The following DPYD variants were observed in gnomAD, a reference collection of about 807,000 sequenced individuals.
DPYD encodes dihydropyrimidine dehydrogenase [NADP(+)].
A neutral mutation model predicts 116.2 loss-of-function variants in DPYD; 109 were observed. The observed-to-expected ratio is 0.94, with a 90% CI of 0.80 to 1.10. The LOEUF (loss-of-function observed/expected upper bound fraction) is 1.10, where lower values mean the gene tolerates loss of function less well. DPYD is among the 50% of genes least tolerant of loss of function. The pLI is 0.00. For synonymous variants in DPYD, 440 were observed against 432.0 expected, an observed-to-expected ratio of 1.02 and a Z score of -0.23; for missense variants, 1,302 against 1,254.5, an observed-to-expected ratio of 1.04 and a Z score of -0.57.
At chr1:97,268,769 T>C (rs983402448) in intron 18 of DPYD, among the ~76,000 whole-genome samples, 4 of 152,140 alleles carry the variant, frequency 2.6e-5, no homozygotes, top group African/African-American at 9.7e-5. Flanking sequence ...CCTACCTAAC[T>C]TGCCTTGAAG....
At chr1:97,720,616 T>C in intron 5 of DPYD, 1 of 1,202,862 alleles carries the variant, frequency 8.3e-7, no homozygotes, top group Non-Finnish European at 1.0e-6. Flanking sequence ...AAAGTGAGAC[T>C]TAAGCTTGAG....
chr1:97,309,848 T>C (rs1667395512), intron 16 of DPYD, among the ~76,000 whole-genome samples: 1 of 151,824 alleles, frequency 6.6e-6, no homozygotes, highest in African/African-American at 2.4e-5. Context: ...TTAATTCTAG[T>C]AACTACTCTG....
intron 16 of DPYD, among the ~76,000 whole-genome samples, chr1:97,350,697 A>T (rs1670093124): frequency 1.3e-5 from 2 of 152,176 alleles, no homozygotes; most frequent in South Asian, 4.1e-4. Flanking sequence ...GAAAAAATTT[A>T]AAAACATCTG....
rs967696966 is a variant in DPYD, at chr1:97,491,389, G to A, written c.1740+24337C>T. On this transcript the variant is annotated intron_variant, in intron 13 of 22. Transcript: ENST00000370192. The stretch of plus-strand genomic sequence containing the variant: ...AAGCACCTAATGGAATGAGGAAGGG[G>A]GCAGATAGGAGTGGCTTCACCCTTG... Among the ~76,000 whole-genome samples the A allele has an allele frequency of 4.0e-5, 6 of 151,812 alleles. No homozygotes were observed. In the East Asian group the frequency reaches 9.7e-4, roughly 24 times the overall value.
At chr1:97,845,605 C>T (rs1174993204) in intron 2 of DPYD, among the ~76,000 whole-genome samples, 3 of 152,184 alleles carry the variant, frequency 2.0e-5, no homozygotes, top group Non-Finnish European at 2.9e-5. Context: ...TCTTCCTGGA[C>T]ATGGGACAAG....
chr1:97,899,367 T>C (rs1673244679), intron 1 of DPYD, among the ~76,000 whole-genome samples: 1 of 151,924 alleles, frequency 6.6e-6, no homozygotes, highest in African/African-American at 2.4e-5. Context: ...GTGTGCCATG[T>C]AACTCCATTG....
At chr1:97,744,299 G>A (rs890484339) in intron 3 of DPYD, among the ~76,000 whole-genome samples, 2 of 151,816 alleles carry the variant, frequency 1.3e-5, no homozygotes, top group African/African-American at 2.4e-5. Context: ...TGAAACAAGC[G>A]GCATTTCATT....
At chr1:97,220,436 C>A (rs1413234) in intron 19 of DPYD, among the ~76,000 whole-genome samples, 14,054 of 152,098 alleles carry the variant, frequency 0.092, 740 homozygotes, top group Middle Eastern at 0.13. Flanking sequence ...AATTGCCCAG[C>A]TTTGAGTATT....
chr1:97,554,870 G>A (rs1393580247), intron 11 of DPYD, among the ~76,000 whole-genome samples: 1 of 151,866 alleles, frequency 6.6e-6, no homozygotes, highest in Non-Finnish European at 1.5e-5. Context: ...GCTCCTCCAG[G>A]TCCTCAAACA....
intron 12 of DPYD, among the ~76,000 whole-genome samples, chr1:97,529,409 G>A (rs1461130195): frequency 1.3e-5 from 2 of 151,778 alleles, no homozygotes; most frequent in African/African-American, 2.4e-5. Context: ...GTTAAAAAAC[G>A]GCTTCACTAA....
chr1:97,152,938 C>T (rs1416278779), intron 20 of DPYD, among the ~76,000 whole-genome samples: 2 of 152,100 alleles, frequency 1.3e-5, no homozygotes, highest in Non-Finnish European at 2.9e-5. Flanking sequence ...CTTCTCATTG[C>T]CCCTCTGCCA....
intron 14 of DPYD, among the ~76,000 whole-genome samples, chr1:97,433,611 A>G (rs924092136): frequency 9.2e-5 from 14 of 152,132 alleles, no homozygotes; most frequent in South Asian, 4.1e-4. Flanking sequence ...ATAGCTTTCT[A>G]CATCCTTACT....
intron 20 of DPYD, among the ~76,000 whole-genome samples, chr1:97,162,549 T>C (rs1656002493): frequency 1.3e-5 from 2 of 152,078 alleles, no homozygotes; most frequent in African/African-American, 4.8e-5. Context: ...AAAATGGCCA[T>C]ACTGCCCAAG....
At chr1:97,244,120 GTTCT>G (rs1294458019) in intron 18 of DPYD, among the ~76,000 whole-genome samples, 1 of 151,932 alleles carries the variant, frequency 6.6e-6, no homozygotes, top group East Asian at 1.9e-4. Context: ...CTATATGTAT[GTTCT>G]TTCTATTTTC....
chr1:97,217,898 C>T (rs1472518997), intron 19 of DPYD, among the ~76,000 whole-genome samples: 1 of 152,150 alleles, frequency 6.6e-6, no homozygotes, highest in Non-Finnish European at 1.5e-5. Flanking sequence ...GTGATACTCG[C>T]TTTATCATAT....
chr1:97,870,534 G>A (rs1427942472), intron 2 of DPYD, among the ~76,000 whole-genome samples: 2 of 151,544 alleles, frequency 1.3e-5, no homozygotes, highest in Admixed American at 1.3e-4. Flanking sequence ...TTTCTCTGTG[G>A]TCCCTGATAT....
intron 16 of DPYD, among the ~76,000 whole-genome samples, chr1:97,356,321 T>C (rs1352986616): frequency 6.6e-6 from 1 of 152,214 alleles, no homozygotes; most frequent in Non-Finnish European, 1.5e-5. Flanking sequence ...TTATATATAT[T>C]TGATATTAAC....
intron 1 of DPYD, among the ~76,000 whole-genome samples, chr1:97,887,495 A>T (rs1008873978): frequency 1.0e-4 from 15 of 143,240 alleles, no homozygotes; most frequent in Non-Finnish European, 2.0e-4. Context: ...AAAAAAAAAA[A>T]GTATATCCAG....
chr1:97,853,776 G>A (rs1670678873), intron 2 of DPYD, among the ~76,000 whole-genome samples: 1 of 152,170 alleles, frequency 6.6e-6, no homozygotes. Flanking sequence ...GTCTAAGATT[G>A]CGTAGTTAAC....
Sources: allele counts gnomAD v4.1 joint callset (sites outside exome capture counted in the v4.1 genomes callset), GRCh38; gene constraint gnomAD v4.1.1; transcripts MANE v1.5; gene names NCBI Gene and HGNC (gene_info 2026-07-23, HGNC 2026-07-21).